The following DNAH5 variants were observed in gnomAD, a reference collection of about 807,000 sequenced individuals.
DNAH5 encodes the protein dynein axonemal heavy chain 5.
Under a neutral mutation model 518.2 loss-of-function variants are expected in DNAH5, and 372 were observed. That is an observed-to-expected ratio of 0.72 (90% CI 0.66 to 0.78). The LOEUF (loss-of-function observed/expected upper bound fraction) is 0.78. Ranked by LOEUF, DNAH5 falls within the 30% of genes least tolerant of loss-of-function variation. The pLI, the probability that DNAH5 is intolerant of heterozygous loss-of-function variation, is 0.00. For synonymous variants in DNAH5, 2,039 were observed against 2,025.9 expected (o/e 1.01, Z -0.17); for missense variants, 5,523 against 5,687.0 (o/e 0.97, Z 0.93).
At chr5:13,917,004 A>G (rs1776717766) in intron 8 of DNAH5, 139 bp downstream of exon 8, 2 of 703,980 alleles carry the variant, frequency 2.8e-6, no homozygotes. Flanking sequence ...ATACCTATAT[A>G]TATGTAATTT....
In DNAH5 at chr5:13,944,428, A is replaced by G. The variant is rs765239163; in HGVS notation, c.11T>C (p.Ile4Thr). The G allele has an allele frequency of 3.7e-6, 6 of 1,613,272 alleles. No individual in the cohort carries two copies. In the African/African-American group the frequency reaches 5.3e-5, roughly 14 times the overall value. The change falls in exon 1 of 79, where the codon ATT becomes ACT. Residue 4 changes from isoleucine to threonine, a missense_variant. Ile to Thr is a moderately conservative substitution (Grantham distance 89). This residue lies in a region of DNAH5 where 5,121 missense variants were observed against 5,223.3 expected (regional missense o/e 0.98). Transcript: ENST00000265104. MFR[I>T]GRRQLWKHSV... The stretch of plus-strand genomic sequence containing the variant: ...ATGCTTCCAGAGCTGTCTCCTCCCA[A>G]TCCTAAACATTGTAGCCGTGCATGG...
At position 13,753,484 on chromosome 5, in the gene DNAH5, G is replaced by A. The variant is rs1392491656; in HGVS notation, c.10621C>T (p.Leu3541Phe). 6.2e-7 allele frequency: 1 copy of A among 1,613,968 alleles called. No individual in the cohort carries two copies. The highest frequency in any genetic ancestry group is 8.5e-7 in the Non-Finnish European group (1 of 1,179,954). Reference protein sequence around the residue: ...SGPFNQEFRDLLLNDWRKEMK... With the variant: ...SGPFNQEFRDFLLNDWRKEMK... ...TCCTTCCGCCAGTCATTTAACAGAA[G>A]ATCACGAAACTCTTGGTTAAATGGA... Residue 3541 changes from leucine to phenylalanine, a missense_variant, in exon 63 of 79, where the codon CTT becomes TTT. Around this residue, in one of 3 missense-constraint regions of DNAH5, gnomAD observed 5,121 missense variants for 5,223.3 expected, o/e 0.98. Transcript: ENST00000265104.
chr5:13,901,116 T>C (rs190441936), intron 14 of DNAH5, 136 bp downstream of exon 14: 10 of 882,552 alleles, frequency 1.1e-5, no homozygotes, highest in African/African-American at 3.3e-5. Context: ...TATTACACTC[T>C]GAACGCTTAG....
Position 13,735,336 on chromosome 5 carries a change from A to G in DNAH5, c.11571-15T>C. The G allele has an allele frequency of 6.2e-7, 1 of 1,612,562 alleles. No individual in the cohort carries two copies. Among genetic ancestry groups the G allele is most frequent in the Non-Finnish European group, 8.5e-7 (1 of 1,178,864 alleles). On this transcript the variant is annotated splice_polypyrimidine_tract_variant and intron_variant, in intron 67 of 78. Coordinates refer to ENST00000265104, the MANE Select transcript of DNAH5 (RefSeq NM_001369.3). The stretch of plus-strand genomic sequence containing the variant: ...TCTTGACAGACCTGGTGAATAGAAT[A>G]TTTAAATCAGGCTTATCCCACTGCC...
chr5:13,693,999 A>T (rs1291118905), intron 78 of DNAH5, among the ~76,000 whole-genome samples: 3 of 152,234 alleles, frequency 2.0e-5, no homozygotes, highest in African/African-American at 4.8e-5. Context: ...ATACTCACTG[A>T]TATAGTTAAA....
Position 13,997,847 on chromosome 5 carries a change from A to ATTT in DNAH5, c.12+13798_12+13800dup, listed in dbSNP as rs570297298. On this transcript the variant is annotated intron_variant, in intron 1 of 78. Transcript: ENST00000681290. ...ATAAAAATATATTTCTCACAATTCT[A>ATTT]TTTTTTTTTTTTTTGAGACAGAGTC... 3.8e-3 allele frequency among the ~76,000 whole-genome samples: 548 copies of ATTT among 144,442 alleles called. 12 individuals carry two copies. In the East Asian group the frequency reaches 0.065, roughly 17 times the overall value. The allele number at this position is 144,442 out of a possible 152,430, so 94.8% of individuals were successfully genotyped here. A position where few individuals can be genotyped will look rare whatever the true frequency, so the allele number is the denominator to read the frequency against.
chr5:13,897,884 G>T, intron 15 of DNAH5: 1 of 152,182 alleles, frequency 6.6e-6, no homozygotes, highest in East Asian at 1.9e-4. Flanking sequence ...CAGAGATGAT[G>T]CTGTGAGACA....
intron 1 of DNAH5, among the ~76,000 whole-genome samples, chr5:14,007,941 G>T (rs1486857149): frequency 6.6e-6 from 1 of 152,122 alleles, no homozygotes; most frequent in Non-Finnish European, 1.5e-5. Context: ...GGGAGGCCGA[G>T]GTGAGCGGAT....
chr5:13,780,699 A>T, intron 53 of DNAH5, 130 bp downstream of exon 53: 1 of 1,013,344 alleles, frequency 9.9e-7, no homozygotes, highest in East Asian at 2.5e-5. Context: ...GGAAGATGAT[A>T]AGTCAACATT....
At position 13,819,523 on chromosome 5, in the gene DNAH5, A is replaced by G. The variant is rs183829830; in HGVS notation, c.6841+823T>C. ...GGTTCCGGGAACTGCCTGAAAGCCC[A>G]CCCAGGTACCTCTTTGCTGGATGGG... On this transcript the variant is annotated intron_variant, in intron 41 of 78. Coordinates refer to ENST00000265104, the MANE Select transcript of DNAH5 (RefSeq NM_001369.3). Among the ~76,000 whole-genome samples, 8 of 152,140 alleles carry G rather than the reference A, an allele frequency of 5.3e-5. No individual in the cohort carries two copies. In the East Asian group the frequency reaches 1.4e-3, roughly 26 times the overall value.
At position 13,876,716 on chromosome 5, in the gene DNAH5, C is replaced by A; in HGVS notation, c.3364G>T (p.Val1122Leu). ...ENKEIVKLVS[V>L]LSTIINSTKK... is the part of the protein sequence containing the mutation. ...GTGGAGTTGATAATTGTGCTAAGCA[C>A]AGAAACTAATTTTACAATCTCTTTG... Residue 1122 changes from valine to leucine, a missense_variant, in exon 22 of 79, where the codon GTG becomes TTG. By Grantham distance (32) the Val-to-Leu change is conservative. Around this residue, in one of 3 missense-constraint regions of DNAH5, gnomAD observed 5,121 missense variants for 5,223.3 expected, o/e 0.98. Transcript: ENST00000265104. 6.2e-7 allele frequency: 1 copy of A among 1,613,942 alleles called. No individual in the cohort carries two copies. The highest frequency in any genetic ancestry group is 8.5e-7 in the Non-Finnish European group (1 of 1,179,884).
intron 39 of DNAH5, among the ~76,000 whole-genome samples, chr5:13,823,970 T>A (rs1396293145): frequency 2.0e-5 from 3 of 152,342 alleles, no homozygotes; most frequent in African/African-American, 7.2e-5. Flanking sequence ...GTGTATTTTT[T>A]AAAATCCACT....
chr5:13,932,814 T>A (rs772681330), intron 1 of DNAH5, among the ~76,000 whole-genome samples: 2 of 152,212 alleles, frequency 1.3e-5, no homozygotes, highest in Non-Finnish European at 2.9e-5. Flanking sequence ...AACACAATCA[T>A]AAGTTCAGCT....
chr5:13,758,394 C>T (rs543382300), intron 61 of DNAH5, among the ~76,000 whole-genome samples: 1 of 152,174 alleles, frequency 6.6e-6, no homozygotes, highest in Admixed American at 6.5e-5. Context: ...ACTTGGGAGG[C>T]TGAGGTGGAA....
chr5:13,736,132 G>T (rs1183163500), intron 66 of DNAH5, among the ~76,000 whole-genome samples, 200 bp from the exon 67 acceptor site: 1 of 152,124 alleles, frequency 6.6e-6, no homozygotes, highest in Admixed American at 6.5e-5. Flanking sequence ...TCAACTATTT[G>T]TATTTATTAA....
At chr5:13,780,058 C>A (rs1191637877) in intron 53 of DNAH5, among the ~76,000 whole-genome samples, 1 of 152,100 alleles carries the variant, frequency 6.6e-6, no homozygotes, top group Non-Finnish European at 1.5e-5. Context: ...CACTTGTCAC[C>A]CTACACTGTA....
chr5:13,806,273 G>GAC (rs1759565748), intron 47 of DNAH5, among the ~76,000 whole-genome samples: 1 of 152,052 alleles, frequency 6.6e-6, no homozygotes, highest in Non-Finnish European at 1.5e-5. Flanking sequence ...ACTGCAATTT[G>GAC]GGGTTGACCA....
At chr5:13,781,065 T>A (rs144212347) in intron 52 of DNAH5, 106 bp from the exon 53 acceptor site, 1 of 1,316,176 alleles carries the variant, frequency 7.6e-7, no homozygotes, top group Non-Finnish European at 1.1e-6. Flanking sequence ...TTGGAAGATA[T>A]AGGTGTCTCA....
intron 1 of DNAH5, among the ~76,000 whole-genome samples, chr5:13,963,306 G>A (rs115943698): frequency 0.017 from 2,661 of 152,150 alleles, 75 homozygotes; most frequent in African/African-American, 0.061. Flanking sequence ...GGTCGGAAGC[G>A]GTGGCTCACG....
Sources: allele counts gnomAD v4.1 joint callset (sites outside exome capture counted in the v4.1 genomes callset), GRCh38; gene constraint gnomAD v4.1.1; regional missense constraint gnomAD v4.1.1; transcripts MANE v1.5; gene names NCBI Gene and HGNC (gene_info 2026-07-23, HGNC 2026-07-21).